NFIB: variants seen among roughly 807,000 people sequenced by gnomAD.
NFIB encodes the protein nuclear factor 1 B-type.
A neutral mutation model predicts 61.5 loss-of-function variants in NFIB; 11 were observed. The observed-to-expected ratio is 0.18, with a 90% CI of 0.11 to 0.30. NFIB has a LOEUF of 0.30. Ranked by LOEUF, NFIB falls within the 10% of genes least tolerant of loss-of-function variation. The pLI is 1.00. For synonymous variants in NFIB, 260 were observed against 216.5 expected (o/e 1.20, Z -1.76); for missense variants, 471 against 608.9 (o/e 0.77, Z 2.38).
the NFIB span, among the ~76,000 whole-genome samples, chr9:14,497,123 G>C: frequency 6.6e-6 from 1 of 152,206 alleles, no homozygotes; most frequent in Non-Finnish European, 1.5e-5. Context: ...AATTTCTATA[G>C]AAAGATAATT....
At chr9:14,269,895 C>T (rs1353208373) in intron 2 of NFIB, among the ~76,000 whole-genome samples, 1 of 152,134 alleles carries the variant, frequency 6.6e-6, no homozygotes, top group Non-Finnish European at 1.5e-5. Flanking sequence ...CCTCTGAAAA[C>T]TACAGAGCGG....
chr9:14,297,347 G>C lies in NFIB; in HGVS notation c.562+9642C>G, dbSNP rs575281087. Among the ~76,000 whole-genome samples the C allele has an allele frequency of 2.6e-5, 4 of 152,310 alleles. No homozygotes were observed. The South Asian group carries it at 8.3e-4, about 32-fold the overall frequency. ...CTAGACTAGTTTTTACAGGAGAAGA[G>C]AGAAAAACTGAGGCCATGGACTAAA... On this transcript the variant is annotated intron_variant, in intron 2 of 10. Coordinates refer to ENST00000380953, the MANE Select transcript of NFIB (RefSeq NM_001190737.2).
chr9:14,409,821 TAAG>T, the NFIB span, among the ~76,000 whole-genome samples: 1 of 152,220 alleles, frequency 6.6e-6, no homozygotes, highest in Non-Finnish European at 1.5e-5. Flanking sequence ...TTCAGTCTGA[TAAG>T]AGAAGGTATT....
At chr9:14,514,753 C>T in the NFIB span, among the ~76,000 whole-genome samples, 1 of 152,074 alleles carries the variant, frequency 6.6e-6, no homozygotes, top group Non-Finnish European at 1.5e-5. Flanking sequence ...CACGAATTCT[C>T]AGTTTGGGTT....
chr9:14,171,789 G>A (rs1314357744), intron 3 of NFIB, among the ~76,000 whole-genome samples: 1 of 152,110 alleles, frequency 6.6e-6, no homozygotes, highest in Non-Finnish European at 1.5e-5. Flanking sequence ...GACATCTAGG[G>A]AAACATGTCC....
chr9:14,250,181 G>T (rs1341363963), intron 2 of NFIB, among the ~76,000 whole-genome samples: 7 of 152,190 alleles, frequency 4.6e-5, no homozygotes, highest in African/African-American at 1.7e-4. Context: ...TTTATGGCCT[G>T]TTGAGCACTT....
intron 1 of NFIB, among the ~76,000 whole-genome samples, chr9:14,328,905 C>T (rs921401618): frequency 6.6e-6 from 1 of 152,134 alleles, no homozygotes; most frequent in African/African-American, 2.4e-5. Context: ...ACATTTAAAA[C>T]TTGATATATT....
chr9:14,283,666 A>G (rs1036775906), intron 2 of NFIB, among the ~76,000 whole-genome samples: 3 of 152,244 alleles, frequency 2.0e-5, no homozygotes, highest in Non-Finnish European at 2.9e-5. Flanking sequence ...TCAGAAGAGA[A>G]AAATATCCAT....
the NFIB span, among the ~76,000 whole-genome samples, chr9:14,491,143 T>C: frequency 1.3e-5 from 2 of 152,332 alleles, no homozygotes; most frequent in East Asian, 3.9e-4. Context: ...TTAATTTCTT[T>C]TCATCTCAAT....
intron 7 of NFIB, 129 bp downstream of exon 7, chr9:14,125,503 G>A (rs2039529157): frequency 4.8e-6 from 6 of 1,262,468 alleles, no homozygotes; most frequent in African/African-American, 1.5e-5. Context: ...ATCGGATTGT[G>A]CCCCTCACCA....
intron 2 of NFIB, among the ~76,000 whole-genome samples, chr9:14,242,578 G>C (rs2054473839): frequency 6.6e-6 from 1 of 152,202 alleles, no homozygotes; most frequent in African/African-American, 2.4e-5. Context: ...AAATCTTTCA[G>C]GCCTTTTTGT....
rs750979653 is a variant in NFIB, at chr9:14,120,444, C to T, written c.1241G>A (p.Ser414Asn). 21 of 1,613,898 alleles carry T rather than the reference C, an allele frequency of 1.3e-5. No homozygotes were observed. ...TATTTTCTCTCTTATTTTTACCTGGCTGGTTTGTGGACTGGATGGGTCATA... is the reference window on the plus strand; with the variant it reads ...TATTTTCTCTCTTATTTTTACCTGGTTGGTTTGTGGACTGGATGGGTCATA... ...PSYDPSSPQT[S>N]QPNGSGQVVG... Residue 414 changes from serine to asparagine, a missense_variant, in exon 8 of 11, where the codon AGC becomes AAC. This residue lies in a region of NFIB where 372 missense variants were observed against 395.6 expected (regional missense o/e 0.94). Transcript: ENST00000380953. This position sits in a 1 kb window ranked among gnomAD's most constrained non-coding sequence, Gnocchi z 4.4.
the NFIB span, among the ~76,000 whole-genome samples, chr9:14,434,303 T>C: frequency 6.6e-6 from 1 of 152,196 alleles, no homozygotes; most frequent in Non-Finnish European, 1.5e-5. Flanking sequence ...ACCAGTCTGT[T>C]GACTCACACT....
chr9:14,241,038 T>C (rs912550478), intron 2 of NFIB, among the ~76,000 whole-genome samples: 1 of 152,216 alleles, frequency 6.6e-6, no homozygotes, highest in African/African-American at 2.4e-5. Flanking sequence ...GTAATTCCAA[T>C]GGGTCTTTCT....
chr9:14,291,449 C>G (rs1464896940), intron 2 of NFIB, among the ~76,000 whole-genome samples: 1 of 152,164 alleles, frequency 6.6e-6, no homozygotes, highest in Non-Finnish European at 1.5e-5. Context: ...CACGCCACTG[C>G]ACTCCAGTCT....
At chr9:14,217,552 T>C (rs1055485750) in intron 2 of NFIB, among the ~76,000 whole-genome samples, 1 of 149,858 alleles carries the variant, frequency 6.7e-6, no homozygotes, top group African/African-American at 2.5e-5. Context: ...CCCAGCTACT[T>C]GGGAGGCTGA....
chr9:14,306,471 G>A lies in NFIB; in HGVS notation c.562+518C>T, dbSNP rs899465585. On this transcript the variant is annotated intron_variant, in intron 2 of 10. Transcript: ENST00000380953. The stretch of plus-strand genomic sequence containing the variant: ...ATACTTTTGATATTATCTATCTTAA[G>A]CATTTTGTAATAGTAAACATTAGTT... 1.7e-4 allele frequency among the ~76,000 whole-genome samples: 26 copies of A among 152,160 alleles called. 1 individual carries two copies. The highest frequency in any genetic ancestry group is 6.3e-4 in the African/African-American group (26 of 41,514).
intron 1 of NFIB, among the ~76,000 whole-genome samples, chr9:14,372,533 T>C (rs1422281912): frequency 1.3e-5 from 2 of 152,228 alleles, no homozygotes; most frequent in Non-Finnish European, 2.9e-5. Context: ...TGTGGCTATT[T>C]TTCAAATGGA....
chr9:14,280,259 A>G (rs919131869), intron 2 of NFIB, among the ~76,000 whole-genome samples: 1 of 152,236 alleles, frequency 6.6e-6, no homozygotes, highest in Non-Finnish European at 1.5e-5. Flanking sequence ...CCCTGGGCAT[A>G]ATTTTTCTGT....
Sources: allele counts gnomAD v4.1 joint callset (sites outside exome capture counted in the v4.1 genomes callset), GRCh38; gene constraint gnomAD v4.1.1; regional missense constraint gnomAD v4.1.1; non-coding constraint Gnocchi (gnomAD v3.1); transcripts MANE v1.5; gene names NCBI Gene and HGNC (gene_info 2026-07-23, HGNC 2026-07-21).